The following ELOVL7 variants were observed in gnomAD, a reference collection of about 807,000 sequenced individuals.
ELOVL7 encodes the protein very long chain fatty acid elongase 7.
A neutral mutation model predicts 35.7 loss-of-function variants in ELOVL7; 27 were observed. That is an observed-to-expected ratio of 0.76 (90% confidence interval 0.56 to 1.04). The LOEUF (loss-of-function observed/expected upper bound fraction) is 1.04, where lower values mean the gene tolerates loss of function less well. ELOVL7 is among the 50% of genes least tolerant of loss of function. ELOVL7 has a pLI of 0.00. For missense variants in ELOVL7, 327 were observed against 340.8 expected, an observed-to-expected ratio of 0.96 and a Z score of 0.32; for synonymous variants, 113 against 114.6, an observed-to-expected ratio of 0.99 and a Z score of 0.09.
rs769151593 is a variant in ELOVL7 at position 60,754,771 on chromosome 5, A to T, written c.699T>A (p.Tyr233Ter). 2 of 1,614,216 alleles carry T rather than the reference A, an allele frequency of 1.2e-6. No individual in the cohort carries two copies. Among genetic ancestry groups the T allele is most frequent in the Non-Finnish European group, 1.7e-6 (2 of 1,180,034 alleles). ...TGATGCACGCAAAGACTGGAAACTG[A>T]TACTTGCAATCCTCCATGAAAAAGA... ...SQFFFMEDCK[Y>*]QFPVFACIIM... The change falls in exon 9 of 9, where the codon TAT becomes TAA. Residue 233 changes from tyrosine to a stop codon, truncating the protein, a stop_gained. Transcript: ENST00000508821. LOFTEE classifies it high-confidence loss of function.
chr5:60,788,592 T>C (rs1743738292), intron 2 of ELOVL7, among the ~76,000 whole-genome samples: 1 of 152,044 alleles, frequency 6.6e-6, no homozygotes, highest in Non-Finnish European at 1.5e-5. Context: ...CTGACCAACA[T>C]GGTGAAACCC....
chr5:60,802,385 A>C (rs1467675673), intron 1 of ELOVL7, among the ~76,000 whole-genome samples: 1 of 152,128 alleles, frequency 6.6e-6, no homozygotes, highest in African/African-American at 2.4e-5. Context: ...TGCTTCATAA[A>C]TCATTCTCAG....
chr5:60,790,090 T>C (rs1165027261), intron 2 of ELOVL7, among the ~76,000 whole-genome samples: 1 of 151,996 alleles, frequency 6.6e-6, no homozygotes, highest in Non-Finnish European at 1.5e-5. Flanking sequence ...TGAGCCAAGA[T>C]TGCGCCATTG....
intron 1 of ELOVL7, among the ~76,000 whole-genome samples, chr5:60,836,430 T>C (rs1292082814): frequency 6.6e-6 from 1 of 152,068 alleles, no homozygotes; most frequent in African/African-American, 2.4e-5. Context: ...CTATCAGCTG[T>C]GCTTTCTAGC....
intron 1 of ELOVL7, among the ~76,000 whole-genome samples, chr5:60,826,772 G>A (rs1005049096): frequency 2.0e-5 from 3 of 152,164 alleles, no homozygotes; most frequent in African/African-American, 4.8e-5. Context: ...AAACCAGGGG[G>A]TTTCCTTCTG....
At chr5:60,778,761 C>T (rs1743061339) in intron 3 of ELOVL7, among the ~76,000 whole-genome samples, 1 of 152,192 alleles carries the variant, frequency 6.6e-6, no homozygotes, top group African/African-American at 2.4e-5. Flanking sequence ...AAAACACAAT[C>T]ATGCCTTCCG....
Position 60,840,701 on chromosome 5 carries a change from G to T in ELOVL7, c.-86+3459C>A, listed in dbSNP as rs186195010. ...ATGCATTGATCCTCTTTTTAAAATC[G>T]CTTTTAGAAATCTGACAGCATGTAT... On this transcript the variant is annotated intron_variant, in intron 1 of 8. Transcript: ENST00000508821. Among the ~76,000 whole-genome samples, 27 of 152,168 alleles carry T rather than the reference G, an allele frequency of 1.8e-4. No homozygotes were observed. In the East Asian group the frequency reaches 5.2e-3, roughly 29 times the overall value.
At chr5:60,763,372 A>G (rs1233896702) in intron 7 of ELOVL7, among the ~76,000 whole-genome samples, 2 of 152,216 alleles carry the variant, frequency 1.3e-5, no homozygotes, top group Non-Finnish European at 2.9e-5. Context: ...AACTCAAACA[A>G]GAGTTCCTCA....
chr5:60,767,718 T>C, intron 5 of ELOVL7, 105 bp downstream of exon 5: 1 of 733,562 alleles, frequency 1.4e-6, no homozygotes, highest in Non-Finnish European at 2.4e-6. Context: ...CACAATCTGA[T>C]AACTGAGTCA....
chr5:60,764,429 C>A lies in ELOVL7; in HGVS notation c.394-97G>T. The A allele has an allele frequency of 4.4e-6, 4 of 918,186 alleles. No homozygotes were observed. The South Asian group carries it at 6.2e-5, about 14-fold the overall frequency. 56.9% of individuals were successfully genotyped at this position (918,186 alleles called of 1,614,324 possible). ...TGGCAAAGTGCAAAGTATTTCATAT[C>A]ATAATTTCCTCTAAAAGTGTTGCCT... On this transcript the variant is annotated intron_variant, in intron 6 of 8. Coordinates refer to ENST00000508821, the MANE Select transcript of ELOVL7 (RefSeq NM_024930.3).
intron 1 of ELOVL7, among the ~76,000 whole-genome samples, chr5:60,839,335 G>A (rs1348620923): frequency 2.0e-5 from 3 of 151,690 alleles, no homozygotes; most frequent in Non-Finnish European, 2.9e-5. Context: ...GCAAGATTCC[G>A]TCTCAGAAAA....
At chr5:60,803,646 G>A (rs902754855) in intron 1 of ELOVL7, among the ~76,000 whole-genome samples, 1 of 152,016 alleles carries the variant, frequency 6.6e-6, no homozygotes, top group Non-Finnish European at 1.5e-5. Context: ...CATAGGGTTG[G>A]GCTACTACTT....
chr5:60,820,770 T>C (rs1168129853), intron 1 of ELOVL7, among the ~76,000 whole-genome samples: 3 of 152,166 alleles, frequency 2.0e-5, no homozygotes, highest in African/African-American at 7.2e-5. Flanking sequence ...TTAAGACCTG[T>C]GGTGTATGCC....
chr5:60,826,916 C>T (rs1196050944), intron 1 of ELOVL7, among the ~76,000 whole-genome samples: 1 of 152,174 alleles, frequency 6.6e-6, no homozygotes, highest in Non-Finnish European at 1.5e-5. Flanking sequence ...GGTTAGCAGA[C>T]TGTATTTGTA....
At chr5:60,760,938 A>C (rs1356896992) in intron 7 of ELOVL7, among the ~76,000 whole-genome samples, 1 of 152,186 alleles carries the variant, frequency 6.6e-6, no homozygotes, top group Non-Finnish European at 1.5e-5. Flanking sequence ...TAGTGTAGCC[A>C]AGAGTGTTTA....
At position 60,807,266 on chromosome 5, in the gene ELOVL7, A is replaced by T. The variant is rs138745613; in HGVS notation, c.-85-8036T>A. 1.0e-3 allele frequency among the ~76,000 whole-genome samples: 157 copies of T among 152,312 alleles called. No individual in the cohort carries two copies. The East Asian group carries it at 0.024, about 24-fold the overall frequency. On this transcript the variant is annotated intron_variant, in intron 1 of 8. Transcript: ENST00000508821. The stretch of plus-strand genomic sequence containing the variant: ...ATAAAAATGCCTTAAAGGGAATGGG[A>T]TGCAACCTATGAGGTGGAATGAATC...
chr5:60,817,679 C>CACACACACCATATATAT (rs138739203), intron 1 of ELOVL7, among the ~76,000 whole-genome samples: 54,187 of 141,244 alleles, frequency 0.38, 11,823 homozygotes, highest in East Asian at 0.85. Context: ...CACATATATA[C>CACACACACCATATATAT]ACACACACCA....
chr5:60,766,696 T>G, intron 5 of ELOVL7, 66 bp from the exon 6 acceptor site: 1 of 1,466,946 alleles, frequency 6.8e-7, no homozygotes, highest in Non-Finnish European at 9.4e-7. Flanking sequence ...TTTTTAAATT[T>G]TGGTAAAATA....
At chr5:60,772,645 C>T (rs968651178) in intron 3 of ELOVL7, among the ~76,000 whole-genome samples, 15 of 152,262 alleles carry the variant, frequency 9.9e-5, no homozygotes, top group African/African-American at 3.6e-4. Context: ...CCCAACTCCA[C>T]TCTCCTCCCT....
Sources: gnomAD v4.1 joint callset for allele counts (sites outside exome capture counted in the v4.1 genomes callset) on GRCh38, gnomAD v4.1.1 for gene constraint, MANE v1.5 for transcripts, NCBI Gene and HGNC (gene_info 2026-07-23, HGNC 2026-07-21) for gene names.